The following ST18 variants were observed in gnomAD, a reference collection of about 807,000 sequenced individuals.
ST18 encodes the protein ST18 C2H2C-type zinc finger transcription factor.
In ST18, 50 loss-of-function variants were observed where a neutral mutation model predicts 110.0. The ratio of observed to expected loss-of-function variants is 0.45; its 90% CI spans 0.36 to 0.58. ST18 has a LOEUF of 0.58. Among genes scored for constraint, ST18 ranks in the 20% least tolerant of loss-of-function variants. ST18 has a pLI of 0.00. For synonymous variants in ST18, 461 were observed against 452.4 expected (o/e 1.02, Z -0.24); for missense variants, 1,306 against 1,280.1 (o/e 1.02, Z -0.31).
chr8:52,117,253 C>T (rs1395445226), intron 24 of ST18, among the ~76,000 whole-genome samples: 2 of 152,158 alleles, frequency 1.3e-5, no homozygotes, highest in African/African-American at 4.8e-5. Context: ...AGGGTTTCTT[C>T]TGTCTGAAAC....
intron 12 of ST18, among the ~76,000 whole-genome samples, chr8:52,164,371 T>C (rs1241406058): frequency 6.6e-6 from 1 of 152,252 alleles, no homozygotes; most frequent in Non-Finnish European, 1.5e-5. Flanking sequence ...AACTTTTTAA[T>C]ATTCTAAGTG....
intron 2 of ST18, among the ~76,000 whole-genome samples, chr8:52,369,934 T>A (rs1829635722): frequency 6.6e-6 from 1 of 152,214 alleles, no homozygotes; most frequent in African/African-American, 2.4e-5. Context: ...GTTCTCTGTG[T>A]TTCCCTAGAA....
chr8:52,129,790 A>T (rs1037925550), intron 22 of ST18, among the ~76,000 whole-genome samples: 15 of 152,122 alleles, frequency 9.9e-5, no homozygotes, highest in African/African-American at 3.6e-4. Context: ...CATGCCTGTA[A>T]TTCCAGCACT....
intron 15 of ST18, among the ~76,000 whole-genome samples, chr8:52,153,395 G>A (rs1426264391): frequency 2.0e-5 from 3 of 152,134 alleles, no homozygotes; most frequent in Non-Finnish European, 4.4e-5. Flanking sequence ...TCTAGCAGCT[G>A]ATGTTTTTTA....
intron 24 of ST18, among the ~76,000 whole-genome samples, chr8:52,117,546 C>G (rs544627679): frequency 1.1e-4 from 17 of 152,296 alleles, no homozygotes; most frequent in African/African-American, 3.8e-4. Flanking sequence ...AAGTATCAAT[C>G]TGTGGACCAG....
chr8:52,141,921 G>A (rs939768822), intron 17 of ST18, among the ~76,000 whole-genome samples: 9 of 152,200 alleles, frequency 5.9e-5, no homozygotes, highest in Non-Finnish European at 1.3e-4. Context: ...GTCCCAGGAC[G>A]GAGATCAGAG....
chr8:52,364,364 G>A (rs1826974004), intron 2 of ST18, among the ~76,000 whole-genome samples: 1 of 152,172 alleles, frequency 6.6e-6, no homozygotes, highest in African/African-American at 2.4e-5. Flanking sequence ...AGGAGAGTGG[G>A]AGCCAGGCCT....
chr8:52,171,111 G>A (rs1033211472), intron 10 of ST18, among the ~76,000 whole-genome samples: 2 of 152,154 alleles, frequency 1.3e-5, no homozygotes, highest in East Asian at 1.9e-4. Flanking sequence ...TAGGCACTAA[G>A]GACTGCTCTT....
At chr8:52,189,647 G>A (rs976205890) in intron 8 of ST18, among the ~76,000 whole-genome samples, 4 of 152,222 alleles carry the variant, frequency 2.6e-5, no homozygotes, top group East Asian at 1.9e-4. Context: ...ACCTATGGTC[G>A]TTTACTTGGA....
At chr8:52,130,007 C>G (rs1015352774) in intron 22 of ST18, among the ~76,000 whole-genome samples, 1 of 151,126 alleles carries the variant, frequency 6.6e-6, no homozygotes, top group East Asian at 2.0e-4. Context: ...GTCGAGCCCA[C>G]TGCACTCCAG....
intron 2 of ST18, among the ~76,000 whole-genome samples, chr8:52,333,951 G>C (rs937711442): frequency 6.6e-6 from 1 of 152,192 alleles, no homozygotes; most frequent in Admixed American, 6.5e-5. Flanking sequence ...AATTGTTCTG[G>C]GGGAGTGGGT....
chr8:52,245,611 G>T (rs2093781861), intron 2 of ST18, among the ~76,000 whole-genome samples: 1 of 151,994 alleles, frequency 6.6e-6, no homozygotes, highest in Admixed American at 6.6e-5. Context: ...TTATAAAATA[G>T]TAATGTAAAT....
At chr8:52,289,513 A>G (rs1054489980) in intron 2 of ST18, among the ~76,000 whole-genome samples, 2 of 152,182 alleles carry the variant, frequency 1.3e-5, no homozygotes, top group African/African-American at 4.8e-5. Context: ...CTTAATGATG[A>G]TATGAACTAA....
At chr8:52,384,843 A>T (rs1835947274) in intron 2 of ST18, among the ~76,000 whole-genome samples, 1 of 151,806 alleles carries the variant, frequency 6.6e-6, no homozygotes, top group Non-Finnish European at 1.5e-5. Flanking sequence ...GCCCCTTAAA[A>T]ATGGAACCAT....
intron 2 of ST18, among the ~76,000 whole-genome samples, chr8:52,377,394 A>T (rs1269109291): frequency 6.6e-6 from 1 of 152,196 alleles, no homozygotes; most frequent in Non-Finnish European, 1.5e-5. Context: ...CTATAAGTTG[A>T]CATGGGCCAA....
intron 8 of ST18, among the ~76,000 whole-genome samples, chr8:52,185,276 G>A (rs1487411189): frequency 6.6e-6 from 1 of 152,104 alleles, no homozygotes; most frequent in African/African-American, 2.4e-5. Context: ...AGCTAGTGAA[G>A]GCCTAAATAA....
intron 6 of ST18, among the ~76,000 whole-genome samples, chr8:52,215,651 C>A (rs1177710615): frequency 6.6e-6 from 1 of 152,292 alleles, no homozygotes; most frequent in South Asian, 2.1e-4. Context: ...TAAAATGGTC[C>A]ATTGTTATGA....
At chr8:52,162,164 T>C (rs2061629257) in intron 13 of ST18, among the ~76,000 whole-genome samples, 1 of 152,056 alleles carries the variant, frequency 6.6e-6, no homozygotes, top group Admixed American at 6.5e-5. Flanking sequence ...TGAACTGAGA[T>C]CATGTCACTG....
intron 19 of ST18, 60 bp from the exon 20 acceptor site, chr8:52,133,361 C>T (rs1414785370): frequency 7.5e-6 from 12 of 1,589,600 alleles, no homozygotes; most frequent in African/African-American, 4.0e-5. Context: ...GTGGGGGTCA[C>T]ACTCAAGTTA....
Sources: gnomAD v4.1 joint callset for allele counts (sites outside exome capture counted in the v4.1 genomes callset) on GRCh38, gnomAD v4.1.1 for gene constraint, MANE v1.5 for transcripts, NCBI Gene and HGNC (gene_info 2026-07-23, HGNC 2026-07-21) for gene names.